Variants in MYOM3 observed in about 807,000 individuals in gnomAD.
MYOM3 encodes the protein myomesin 3.
A neutral mutation model predicts 191.7 loss-of-function variants in MYOM3; 155 were observed. That is an observed-to-expected ratio of 0.81 (90% CI 0.71 to 0.92). The LOEUF (loss-of-function observed/expected upper bound fraction) is 0.92, where lower values mean the gene tolerates loss of function less well. Ranked by LOEUF, MYOM3 falls within the 40% of genes least tolerant of loss-of-function variation. The pLI is 0.00. For missense variants in MYOM3, 1,889 were observed against 1,890.6 expected, an observed-to-expected ratio of 1.00 and a Z score of 0.02; for synonymous variants, 757 against 762.9, an observed-to-expected ratio of 0.99 and a Z score of 0.13.
In MYOM3 at chr1:24,097,976, C is replaced by T. The variant is rs534387919; in HGVS notation, c.692G>A (p.Arg231Gln). 9.3e-6 allele frequency: 15 copies of T among 1,613,962 alleles called. No homozygotes were observed. The African/African-American group carries it at 1.1e-4, about 11-fold the overall frequency. ...GGCCTGGCCGTGGGCGTTCTTCACT[C>T]GCACAGTGTAAGTTGCTGAGTCCTC... ...AIEDSATYTV[R>Q]VKNAHGQASS... Residue 231 changes from arginine (R) to glutamine (Q), a missense_variant, in exon 7 of 37, where the codon CGA (arginine) becomes CAA (glutamine). By Grantham distance (43) the Arg-to-Gln change is conservative. Transcript: ENST00000374434.
At chr1:24,096,621 T>G (rs1643879439) in intron 7 of MYOM3, among the ~76,000 whole-genome samples, 1 of 152,104 alleles carries the variant, frequency 6.6e-6, no homozygotes, top group African/African-American at 2.4e-5. Context: ...TGCAGGACAG[T>G]TTAACAAGGT....
At chr1:24,086,521 C>T in intron 15 of MYOM3, 123 bp downstream of exon 15, 5 of 996,598 alleles carry the variant, frequency 5.0e-6, no homozygotes, top group Non-Finnish European at 7.2e-6. Flanking sequence ...AATTGCTTTT[C>T]AGCTTCATGA....
rs1327650564 is a variant in MYOM3 at position 24,071,131 on chromosome 1, T to C, written c.3136A>G (p.Ile1046Val). 2 of 1,613,722 alleles carry C rather than the reference T, an allele frequency of 1.2e-6. No individual in the cohort carries two copies. The highest frequency in any genetic ancestry group is 2.2e-5 in the East Asian group (1 of 44,814). The change falls in exon 25 of 37, where the codon ATC becomes GTC. Residue 1046 changes from isoleucine to valine, a missense_variant. Transcript: ENST00000374434. ...ELHLIFNNKE[I>V]FSSPNRKINF... The stretch of plus-strand genomic sequence containing the variant: ...CACCCAATTACCGGCGAGCTGAAGA[T>C]CTCCTTGTTGTTGAAGATTAGATGT...
In MYOM3 at chr1:24,066,495, A is replaced by G. The variant is rs571705888; in HGVS notation, c.3424-494T>C. The G allele has an allele frequency of 1.2e-5, 6 of 515,280 alleles. No homozygotes were observed. In the Admixed American group the frequency reaches 1.7e-4, roughly 14 times the overall value. The allele number at this position is 515,280 out of a possible 1,614,324, so 31.9% of individuals were successfully genotyped here. A position where few individuals can be genotyped will look rare whatever the true frequency, so the allele number is the denominator to read the frequency against. On this transcript the variant is annotated intron_variant, in intron 28 of 36. Transcript: ENST00000374434. ...CCACCCTCCCCTTCCCCAGTTATCT[A>G]AACAGGCTGAAGAGTGCTAAGAAGG... is the stretch of plus-strand genomic sequence containing the variant.
intron 5 of MYOM3, among the ~76,000 whole-genome samples, chr1:24,100,359 G>C (rs917276498): frequency 3.3e-5 from 5 of 152,146 alleles, no homozygotes; most frequent in African/African-American, 4.8e-5. Flanking sequence ...GGTGCTCAAG[G>C]GTTTATTTCC....
At position 24,064,123 on chromosome 1, in the gene MYOM3, C is replaced by T. The variant is rs765339842; in HGVS notation, c.3571G>A (p.Val1191Ile). The T allele has an allele frequency of 2.5e-6, 4 of 1,607,976 alleles. No homozygotes were observed. The Admixed American group carries it at 5.0e-5, about 20-fold the overall frequency. Residue 1191 changes from valine to isoleucine, a missense_variant, in exon 30 of 37, where the codon GTT (valine) becomes ATT (isoleucine). Val to Ile is a conservative substitution (Grantham distance 29). Transcript: ENST00000374434. ...TCGTCCTCCCCTCGATCGTCAGAAA[C>T]CATCGCTCTGTAAATTCCCTTGTCC... Reference protein sequence around the residue: ...KKDKGIYRAMVSDDRGEDDTI... With the variant: ...KKDKGIYRAMISDDRGEDDTI...
At chr1:24,092,060 G>A in intron 11 of MYOM3, 114 bp downstream of exon 11, 3 of 1,040,108 alleles carry the variant, frequency 2.9e-6, no homozygotes, top group Non-Finnish European at 3.9e-6. Context: ...TTTCTGAGGA[G>A]CGGGGGTGTG....
chr1:24,074,905 C>T (rs1382702390), intron 22 of MYOM3, among the ~76,000 whole-genome samples: 3 of 151,902 alleles, frequency 2.0e-5, no homozygotes, highest in Non-Finnish European at 4.4e-5. Context: ...GACAACATAG[C>T]GAGACCCCAT....
At chr1:24,060,968 G>A (rs1002904863) in intron 35 of MYOM3, 92 bp downstream of exon 35, 1 of 1,441,414 alleles carries the variant, frequency 6.9e-7, no homozygotes, top group Non-Finnish European at 9.7e-7. Context: ...ACTGTGGAAT[G>A]AGGCCTTCAG....
rs1643767671 is a variant in MYOM3 at position 24,087,892 on chromosome 1, A to C, written c.1615-1065T>G. Among the ~76,000 whole-genome samples, 1 of 152,232 alleles carries C rather than the reference A, an allele frequency of 6.6e-6. No individual in the cohort carries two copies. Among genetic ancestry groups the C allele is most frequent in the Admixed American group, 6.5e-5 (1 of 15,288 alleles). On this transcript the variant is annotated intron_variant, in intron 14 of 36. Transcript: ENST00000374434. This position sits in a 1 kb window ranked among gnomAD's most constrained non-coding sequence, Gnocchi z 4.5. ...TGTTTCTGGGACAAATGAATGAACA[A>C]ATGAATGAATTCTCACAATAACCCT...
intron 15 of MYOM3, among the ~76,000 whole-genome samples, chr1:24,085,259 T>C (rs1643724060): frequency 7.0e-6 from 1 of 142,718 alleles, no homozygotes; most frequent in Non-Finnish European, 1.5e-5. Flanking sequence ...GATGAATAAA[T>C]GGATGCATGG....
rs769009061 is a variant in MYOM3, at chr1:24,090,808, C to T, written c.1421G>A (p.Arg474Gln). 64 of 1,613,988 alleles carry T rather than the reference C, an allele frequency of 4.0e-5. 1 individual carries two copies. Among genetic ancestry groups the T allele is most frequent in the Non-Finnish European group, 4.5e-5 (53 of 1,180,012 alleles). The part of the protein sequence containing the change: ...LVVMGDHDAA[R>Q]RKTEIPFDLG... ...ACCTCTGTACCCACCTGTCTTCCTC[C>T]GGGCTGCATCATGGTCACCCATGAC... is the stretch of plus-strand genomic sequence containing the variant. Residue 474 changes from arginine (R) to glutamine (Q), a missense_variant, in exon 12 of 37, where the codon CGG (arginine) becomes CAG (glutamine). By Grantham distance (43) the Arg-to-Gln change is conservative. Coordinates refer to ENST00000374434, the MANE Select transcript of MYOM3 (RefSeq NM_152372.4).
intron 15 of MYOM3, 68 bp from the exon 16 acceptor site, chr1:24,084,707 G>A: frequency 6.9e-7 from 1 of 1,443,354 alleles, no homozygotes; most frequent in Non-Finnish European, 9.5e-7. Flanking sequence ...TGGGGAAGGG[G>A]AGGAGCATGG....
At position 24,062,038 on chromosome 1, in the gene MYOM3, A is replaced by C. The variant is rs1325352972; in HGVS notation, c.3842T>G (p.Leu1281Arg). ...GCCCTTGTCTGAGTCTTTGGGGTCC[A>C]GGATGTGAAGCCAGATCTCATCCAG... ...TTLDEIWLHILDPKDSDKGKY... is the reference protein window; with the variant it reads ...TTLDEIWLHIRDPKDSDKGKY... Residue 1281 changes from leucine to arginine, a missense_variant, in exon 33 of 37, where the codon CTG becomes CGG. Coordinates refer to ENST00000374434, the MANE Select transcript of MYOM3 (RefSeq NM_152372.4). The C allele has an allele frequency of 1.2e-6, 2 of 1,614,068 alleles. No homozygotes were observed. Among genetic ancestry groups the C allele is most frequent in the Non-Finnish European group, 1.7e-6 (2 of 1,180,042 alleles).
intron 36 of MYOM3, among the ~76,000 whole-genome samples, chr1:24,058,699 C>T (rs1277428442): frequency 6.6e-6 from 1 of 152,118 alleles, no homozygotes; most frequent in African/African-American, 2.4e-5. Flanking sequence ...TCTAGGATGC[C>T]CAGGGCTGTC....
At position 24,074,207 on chromosome 1, in the gene MYOM3, G is replaced by C. The variant is rs1643568925; in HGVS notation, c.2921C>G (p.Thr974Ser). Reference sequence around the variant, plus strand: ...TGCGGAGATGTCTTCATCGGCATCAGTGACTATGACTGAGTAGGTGCCCAA... The same window carrying C: ...TGCGGAGATGTCTTCATCGGCATCACTGACTATGACTGAGTAGGTGCCCAA... ...EDLGTYSVIV[T>S]DADEDISASH... The change falls in exon 23 of 37, where the codon ACT (threonine) becomes AGT (serine). Residue 974 changes from threonine (T) to serine (S), a missense_variant. Transcript: ENST00000374434. 6.2e-7 allele frequency: 1 copy of C among 1,614,056 alleles called. No homozygotes were observed. The highest frequency in any genetic ancestry group is 8.5e-7 in the Non-Finnish European group (1 of 1,180,026).
intron 11 of MYOM3, 66 bp from the exon 12 acceptor site, chr1:24,091,062 T>C (rs1643816261): frequency 1.3e-6 from 2 of 1,543,772 alleles, no homozygotes; most frequent in Non-Finnish European, 1.8e-6. Context: ...TGTGAGCCTC[T>C]ACAAGGGCCT....
chr1:24,060,315 G>A (rs893436046), intron 35 of MYOM3, among the ~76,000 whole-genome samples: 2 of 152,172 alleles, frequency 1.3e-5, no homozygotes, highest in Non-Finnish European at 2.9e-5. Context: ...TAACAGCTAT[G>A]AGCCTGAGGC....
At position 24,075,882 on chromosome 1, in the gene MYOM3, T is replaced by C. The variant is rs116573069; in HGVS notation, c.2701+277A>G. Among the ~76,000 whole-genome samples the C allele has an allele frequency of 7.3e-3, 1,117 of 152,320 alleles. 11 individuals are homozygous for C. Among genetic ancestry groups the C allele is most frequent in the African/African-American group, 0.026 (1,062 of 41,574 alleles). On this transcript the variant is annotated intron_variant, in intron 21 of 36. Transcript: ENST00000374434. ...CATCACCAAATATTTATTAAATGAATGAATAATTAAAAGAATGGAAAGAGA... is the reference window on the plus strand; with the variant it reads ...CATCACCAAATATTTATTAAATGAACGAATAATTAAAAGAATGGAAAGAGA...
Sources: allele counts gnomAD v4.1 joint callset (sites outside exome capture counted in the v4.1 genomes callset), GRCh38; gene constraint gnomAD v4.1.1; non-coding constraint Gnocchi (gnomAD v3.1); transcripts MANE v1.5; gene names NCBI Gene and HGNC (gene_info 2026-07-23, HGNC 2026-07-21).